Variants in PCDHGB5 observed in about 807,000 individuals in gnomAD.
PCDHGB5 encodes the protein protocadherin gamma subfamily B, 5.
A neutral mutation model predicts 62.9 loss-of-function variants in PCDHGB5; 48 were observed. That is an observed-to-expected ratio of 0.76 (90% confidence interval 0.61 to 0.97). The LOEUF is 0.97. Among genes scored for constraint, PCDHGB5 ranks in the 50% least tolerant of loss-of-function variants. The pLI is 0.00. For missense variants in PCDHGB5, 1,118 were observed against 1,198.6 expected (o/e 0.93, Z 0.99); for synonymous variants, 474 against 511.2 (o/e 0.93, Z 0.98).
intron 1 of PCDHGB5, 137 bp from the exon 2 acceptor site, chr5:141,494,670 C>T: frequency 6.5e-7 from 1 of 1,529,402 alleles, no homozygotes; most frequent in Non-Finnish European, 8.8e-7. Flanking sequence ...GGAGATGAGT[C>T]CACCCCTGCC....
At chr5:141,403,774 C>A (rs1350465491) in intron 1 of PCDHGB5, 1 of 1,613,786 alleles carries the variant, frequency 6.2e-7, no homozygotes, top group Non-Finnish European at 8.5e-7. Context: ...AGGGAATCAA[C>A]GGAAAAGTGG....
chr5:141,508,829 C>G (rs370074494), intron 3 of PCDHGB5, among the ~76,000 whole-genome samples: 10 of 152,240 alleles, frequency 6.6e-5, no homozygotes, highest in Middle Eastern at 3.4e-3. Context: ...TCTGGGCCCC[C>G]CTCCCCTACC....
intron 1 of PCDHGB5, chr5:141,417,652 GCCTGGGATTC>G: frequency 2.4e-6 from 2 of 840,506 alleles, no homozygotes; most frequent in Non-Finnish European, 3.5e-6. Context: ...TCAGCCTCTA[GCCTGGGATTC>G]CCTGCGCAGC....
At chr5:141,410,440 G>C in intron 1 of PCDHGB5, 1 of 1,614,036 alleles carries the variant, frequency 6.2e-7, no homozygotes, top group Non-Finnish European at 8.5e-7. Context: ...ACAGTGAGGG[G>C]ACTTTGCCTT....
chr5:141,442,047 G>A (rs186626119), intron 1 of PCDHGB5: 64 of 202,912 alleles, frequency 3.2e-4, no homozygotes, highest in Admixed American at 9.3e-4. Context: ...GCGCCTACTG[G>A]TCGCGGTGCA....
intron 1 of PCDHGB5, chr5:141,478,852 A>G (rs2099480601): frequency 7.3e-7 from 1 of 1,367,502 alleles, no homozygotes; most frequent in African/African-American, 1.5e-5. Flanking sequence ...GCTAAAACAC[A>G]AGATCTCAGC....
At chr5:141,447,178 C>T (rs1258561542) in intron 1 of PCDHGB5, among the ~76,000 whole-genome samples, 2 of 152,094 alleles carry the variant, frequency 1.3e-5, no homozygotes, top group Middle Eastern at 3.4e-3. Context: ...TTGCTCTTGT[C>T]GCGCAGGCTG....
At chr5:141,442,895 A>G (rs1381559903) in intron 1 of PCDHGB5, among the ~76,000 whole-genome samples, 5 of 152,182 alleles carry the variant, frequency 3.3e-5, no homozygotes, top group African/African-American at 1.2e-4. Context: ...CCTGCTTATC[A>G]CTTCTCCTTC....
Position 141,489,560 on chromosome 5 carries a change from A to C in PCDHGB5, c.2398-5247A>C, listed in dbSNP as rs749076412. On this transcript the variant is annotated intron_variant, in intron 1 of 3. Coordinates refer to ENST00000617380, the MANE Select transcript of PCDHGB5 (RefSeq NM_018925.3). This position sits in a 1 kb window ranked among gnomAD's most constrained non-coding sequence, Gnocchi z 4.5. Reference sequence around the variant, plus strand: ...AGCACCAGCTGCCTGCTGCCAGTGCAGGTGGTGACTGAACACCCCCTGGAG... The same window carrying C: ...AGCACCAGCTGCCTGCTGCCAGTGCCGGTGGTGACTGAACACCCCCTGGAG... 2 of 1,614,142 alleles carry C rather than the reference A, an allele frequency of 1.2e-6. No individual in the cohort carries two copies. Among genetic ancestry groups the C allele is most frequent in the Admixed American group, 3.3e-5 (2 of 60,024 alleles).
At chr5:141,505,353 G>A (rs376781305) in intron 2 of PCDHGB5, 40 bp from the exon 3 acceptor site, 51 of 1,613,426 alleles carry the variant, frequency 3.2e-5, no homozygotes, top group East Asian at 2.7e-4. Flanking sequence ...GAGCTGTGCC[G>A]GCCTGGGAGT....
At chr5:141,461,009 A>T (rs1407993113) in intron 1 of PCDHGB5, among the ~76,000 whole-genome samples, 1 of 151,542 alleles carries the variant, frequency 6.6e-6, no homozygotes, top group Admixed American at 6.6e-5. Flanking sequence ...GTATATATAT[A>T]TACCACATTT....
chr5:141,400,501 G>A lies in PCDHGB5; in HGVS notation c.2374G>A (p.Glu792Lys), dbSNP rs574905149. 3.4e-5 allele frequency: 55 copies of A among 1,613,996 alleles called. 1 individual carries two copies. The East Asian group carries it at 1.1e-3, about 33-fold the overall frequency. The change falls in exon 1 of 4, where the codon GAG becomes AAG. Residue 792 changes from glutamate (E) to lysine (K), a missense_variant. Around this residue, in one of 2 missense-constraint regions of PCDHGB5, gnomAD observed 1,034 missense variants for 1,029.1 expected, o/e 1.00. Coordinates refer to ENST00000617380, the MANE Select transcript of PCDHGB5 (RefSeq NM_018925.3). ...CTTATTTCCACTTTGTAATTCCAGC[G>A]AGTCGACTTCCCATCCTGAGTTGGT... is the stretch of plus-strand genomic sequence containing the variant. ...GALFPLCNSS[E>K]STSHPELQAP...
chr5:141,400,133 C>G lies in PCDHGB5; in HGVS notation c.2006C>G (p.Pro669Arg). ...VFADSLQEVL[P>R]DITDRPVPSD... The stretch of plus-strand genomic sequence containing the variant: ...GCTGACAGCTTGCAGGAGGTGCTGC[C>G]GGATATCACTGACCGCCCTGTACCC... The change falls in exon 1 of 4, where the codon CCG becomes CGG. Residue 669 changes from proline (P) to arginine (R), a missense_variant. Physicochemically the swap from Pro to Arg is moderately radical, Grantham distance 103. Around this residue, in one of 2 missense-constraint regions of PCDHGB5, gnomAD observed 1,034 missense variants for 1,029.1 expected, o/e 1.00. Transcript: ENST00000617380. The G allele has an allele frequency of 3.7e-6, 6 of 1,614,066 alleles. No individual in the cohort carries two copies. Among genetic ancestry groups the G allele is most frequent in the Non-Finnish European group, 5.1e-6 (6 of 1,179,910 alleles).
At chr5:141,504,986 AC>A (rs1225847397) in intron 2 of PCDHGB5, among the ~76,000 whole-genome samples, 4 of 151,936 alleles carry the variant, frequency 2.6e-5, no homozygotes, top group Non-Finnish European at 5.9e-5. Context: ...ACATGGTGAA[AC>A]CCCGTCTGTA....
chr5:141,423,749 T>TG, intron 1 of PCDHGB5: 2 of 272,262 alleles, frequency 7.3e-6, no homozygotes, highest in Non-Finnish European at 4.7e-6. Flanking sequence ...TGAAAACTGT[T>TG]TGGGGGGGGG....
intron 1 of PCDHGB5, among the ~76,000 whole-genome samples, chr5:141,446,482 C>CT (rs112180482): frequency 6.3e-4 from 92 of 147,004 alleles, no homozygotes; most frequent in East Asian, 4.0e-3. Context: ...GGTCATCATT[C>CT]TTTTTTTTTT....
At chr5:141,424,945 C>A (rs2096849463) in intron 1 of PCDHGB5, among the ~76,000 whole-genome samples, 1 of 152,186 alleles carries the variant, frequency 6.6e-6, no homozygotes, top group Admixed American at 6.5e-5. Flanking sequence ...TCTCACATCA[C>A]TTCTAGGTAT....
chr5:141,463,616 T>C (rs941383375), intron 1 of PCDHGB5, among the ~76,000 whole-genome samples: 28 of 151,762 alleles, frequency 1.8e-4, no homozygotes, highest in Non-Finnish European at 2.1e-4. Flanking sequence ...GCCCGGCTAA[T>C]TTTTTGTATT....
chr5:141,446,528 G>A (rs2098505974), intron 1 of PCDHGB5, among the ~76,000 whole-genome samples: 1 of 151,952 alleles, frequency 6.6e-6, no homozygotes, highest in South Asian at 2.1e-4. Flanking sequence ...CCAGGCTGGA[G>A]TGCAGTGGCC....
Sources: allele counts gnomAD v4.1 joint callset (sites outside exome capture counted in the v4.1 genomes callset), GRCh38; gene constraint gnomAD v4.1.1; regional missense constraint gnomAD v4.1.1; non-coding constraint Gnocchi (gnomAD v3.1); transcripts MANE v1.5; gene names NCBI Gene and HGNC (gene_info 2026-07-23, HGNC 2026-07-21).